Variants in SEC14L1 observed in about 807,000 individuals in gnomAD.
The protein encoded by SEC14L1 is SEC14 like lipid binding 1.
Under a neutral mutation model 85.3 loss-of-function variants are expected in SEC14L1, and 48 were observed. The observed-to-expected ratio is 0.56, with a 90% CI of 0.45 to 0.72. The LOEUF is 0.72. Ranked by LOEUF, SEC14L1 falls within the 30% of genes least tolerant of loss-of-function variation. SEC14L1 has a pLI of 0.00. For synonymous variants in SEC14L1, 391 were observed against 355.5 expected, an observed-to-expected ratio of 1.10 and a Z score of -1.12; for missense variants, 682 against 921.4, an observed-to-expected ratio of 0.74 and a Z score of 3.36.
chr17:77,105,642 C>T (rs11869576), intron 3 of SEC14L1, among the ~76,000 whole-genome samples: 44,191 of 151,778 alleles, frequency 0.29, 6,766 homozygotes, highest in African/African-American at 0.36. Flanking sequence ...TTAAACTGAC[C>T]AAAGAAAGAT....
rs564638642 is a variant in SEC14L1, at chr17:77,200,678, C to T, written c.1009+5C>T. The T allele has an allele frequency of 1.3e-4, 203 of 1,608,742 alleles. 1 individual carries two copies. The South Asian group carries it at 1.8e-3, about 14-fold the overall frequency. ...GCTGGCATCATCACGACAAAGGTAC[C>T]GGATGGAGTTGAAACTGTGTTTCCA... On this transcript the variant is annotated splice_donor_5th_base_variant and intron_variant, in intron 9 of 16. Coordinates refer to ENST00000436233, the MANE Select transcript of SEC14L1 (RefSeq NM_001143998.2).
chr17:77,141,367 T>C (rs1179391840), intron 1 of SEC14L1: 1 of 126,258 alleles, frequency 7.9e-6, no homozygotes, highest in East Asian at 2.8e-4. Context: ...TCGCCAGGCT[T>C]CCAGTTCCCG....
At chr17:77,186,060 G>A (rs1433776025) in intron 3 of SEC14L1, among the ~76,000 whole-genome samples, 1 of 152,146 alleles carries the variant, frequency 6.6e-6, no homozygotes, top group Non-Finnish European at 1.5e-5. Flanking sequence ...ACCACATGTG[G>A]GTTTTGCATC....
intron 3 of SEC14L1, among the ~76,000 whole-genome samples, chr17:77,128,577 G>C (rs1263074757): frequency 6.6e-6 from 1 of 151,208 alleles, no homozygotes; most frequent in Non-Finnish European, 1.5e-5. Flanking sequence ...TCCTGCCTCA[G>C]CCTCCTGAGT....
chr17:77,123,769 C>T (rs1972364906), intron 3 of SEC14L1, among the ~76,000 whole-genome samples: 1 of 152,126 alleles, frequency 6.6e-6, no homozygotes, highest in Non-Finnish European at 1.5e-5. Flanking sequence ...GAATCAGGTC[C>T]ACCTGCTGGC....
Position 77,196,328 on chromosome 17 carries a change from C to CA in SEC14L1, c.819+18dup, listed in dbSNP as rs766649712. 1 of 1,482,904 alleles carries CA rather than the reference C, an allele frequency of 6.7e-7. No homozygotes were observed. The highest frequency in any genetic ancestry group is 1.1e-5 in the South Asian group (1 of 88,106). The allele number at this position is 1,482,904 out of a possible 1,614,324, so 91.9% of individuals were successfully genotyped here. The stretch of plus-strand genomic sequence containing the variant: ...AAGGGCAAAGTGAGTGTCAGCACCA[C>CA]ACCCAGTGTGCAGGGCCAGAGCTAC... On this transcript the variant is annotated intron_variant, in intron 8 of 16. Coordinates refer to ENST00000436233, the MANE Select transcript of SEC14L1 (RefSeq NM_001143998.2).
At chr17:77,130,053 G>A (rs1972567573) in intron 3 of SEC14L1, 1 of 152,196 alleles carries the variant, frequency 6.6e-6, no homozygotes, top group Non-Finnish European at 1.5e-5. Context: ...ATTTCTCTGA[G>A]TGGGAAGCTG....
In SEC14L1 at chr17:77,216,721, T is replaced by C. The variant is rs1977120094; in HGVS notation, c.*2698T>C. 3 of 1,327,372 alleles carry C rather than the reference T, an allele frequency of 2.3e-6. No homozygotes were observed. The highest frequency in any genetic ancestry group is 3.2e-6 in the Non-Finnish European group (3 of 948,428). The allele number at this position is 1,327,372 out of a possible 1,614,324, so 82.2% of individuals were successfully genotyped here. A position where few individuals can be genotyped will look rare whatever the true frequency, so the allele number is the denominator to read the frequency against. ...GGCATTCTTTTATACCCAAAGACTG[T>C]AGTGCATCTTGAAGAGCTCAAAGCA... On this transcript the variant is annotated 3_prime_UTR_variant, in exon 17 of 17. Transcript: ENST00000436233.
At position 77,187,222 on chromosome 17, in the gene SEC14L1, C is replaced by G. The variant is rs545480312; in HGVS notation, c.64-3581C>G. On this transcript the variant is annotated intron_variant, in intron 3 of 16. Transcript: ENST00000436233. ...GCATTTTGGAGAAGGGATGCTCAAC[C>G]CATACAACCTTACAGAGGGGTGACA... Among the ~76,000 whole-genome samples the G allele has an allele frequency of 4.8e-4, 73 of 152,256 alleles. 1 individual carries two copies. The highest frequency in any genetic ancestry group is 1.7e-3 in the African/African-American group (69 of 41,564).
At chr17:77,147,836 TATA>T (rs1446243666) in intron 3 of SEC14L1, among the ~76,000 whole-genome samples, 2 of 152,154 alleles carry the variant, frequency 1.3e-5, no homozygotes, top group Non-Finnish European at 2.9e-5. Flanking sequence ...TAAATTGAGT[TATA>T]ATTTACATAC....
chr17:77,202,480 G>T (rs1001039212), intron 9 of SEC14L1, among the ~76,000 whole-genome samples: 3 of 152,204 alleles, frequency 2.0e-5, no homozygotes, highest in Non-Finnish European at 2.9e-5. Context: ...TTAGCTGGGC[G>T]TGGTGGCACA....
At chr17:77,196,070 C>T (rs1341055782) in intron 7 of SEC14L1, 132 bp from the exon 8 acceptor site, 10 of 652,504 alleles carry the variant, frequency 1.5e-5, no homozygotes, top group Admixed American at 5.3e-5. Context: ...ATCTGGTTTA[C>T]ATCTGCCATC....
At chr17:77,129,867 A>G (rs1972562416) in intron 3 of SEC14L1, among the ~76,000 whole-genome samples, 1 of 152,096 alleles carries the variant, frequency 6.6e-6, no homozygotes, top group South Asian at 2.1e-4. Context: ...GCCTCCCTCC[A>G]GCTGTTTATG....
At chr17:77,156,655 GT>G (rs1567899133) in intron 3 of SEC14L1, among the ~76,000 whole-genome samples, 1 of 150,074 alleles carries the variant, frequency 6.7e-6, no homozygotes, top group East Asian at 1.9e-4. Context: ...CTTCTTCTCT[GT>G]CAGTGAAATT....
chr17:77,159,605 T>G (rs1973968531), intron 3 of SEC14L1, among the ~76,000 whole-genome samples: 1 of 149,684 alleles, frequency 6.7e-6, no homozygotes, highest in Non-Finnish European at 1.5e-5. Context: ...GGTCTCAAAC[T>G]CCTGACCTCA....
chr17:77,100,426 C>CTT lies in SEC14L1; in HGVS notation c.-136+7080_-136+7081insTT, dbSNP rs1459984586. On this transcript the variant is annotated intron_variant, in intron 3 of 19. Transcript: ENST00000392476. Reference sequence around the variant, plus strand: ...TTTTTTCTTTTCTTTCTCTCTCTCTCTCTTTTTTTTTTTTTTTTTTTTTTT... The same window carrying CTT: ...TTTTTTCTTTTCTTTCTCTCTCTCTCTTTCTTTTTTTTTTTTTTTTTTTTTTT... Among the ~76,000 whole-genome samples, 86 of 54,802 alleles carry CTT rather than the reference C, an allele frequency of 1.6e-3. 3 individuals carry two copies. The highest frequency in any genetic ancestry group is 3.4e-3 in the South Asian group (4 of 1,178). The allele number at this position is 54,802 out of a possible 152,430, so 36.0% of individuals were successfully genotyped here. A position where few individuals can be genotyped will look rare whatever the true frequency, so the allele number is the denominator to read the frequency against.
chr17:77,133,938 C>CAAAA (rs539944837), intron 3 of SEC14L1, among the ~76,000 whole-genome samples: 5 of 93,760 alleles, frequency 5.3e-5, no homozygotes, highest in East Asian at 3.4e-4. Context: ...GACTCCATCT[C>CAAAA]AAAAAAAAAA....
intron 14 of SEC14L1, chr17:77,210,647 C>G (rs1002603073): frequency 1.3e-5 from 2 of 152,142 alleles, no homozygotes; most frequent in African/African-American, 4.8e-5. Context: ...TTTGGTGTGC[C>G]TTACTTGTAG....
chr17:77,163,015 G>A (rs981392915), intron 3 of SEC14L1, among the ~76,000 whole-genome samples: 7 of 152,240 alleles, frequency 4.6e-5, no homozygotes, highest in East Asian at 1.9e-4. Context: ...AGGGAGACAG[G>A]GGAGTTCGGT....
Sources: gnomAD v4.1 joint callset for allele counts (sites outside exome capture counted in the v4.1 genomes callset) on GRCh38, gnomAD v4.1.1 for gene constraint, MANE v1.5 for transcripts, NCBI Gene and HGNC (gene_info 2026-07-23, HGNC 2026-07-21) for gene names.